The following GCNT2 variants were observed in gnomAD, a reference collection of about 807,000 sequenced individuals.
The protein encoded by GCNT2 is glucosaminyl (N-acetyl) transferase 2 (I blood group).
Under a neutral mutation model 34.2 loss-of-function variants are expected in GCNT2, and 34 were observed. That is an observed-to-expected ratio of 1.00 (90% CI 0.76 to 1.32). The LOEUF is 1.32. Ranked by LOEUF, GCNT2 falls within the 40% of genes most tolerant of loss-of-function variation. GCNT2 has a pLI of 0.00. For synonymous variants in GCNT2, 212 were observed against 188.0 expected (o/e 1.13, Z -1.04); for missense variants, 584 against 489.4 (o/e 1.19, Z -1.82).
In GCNT2 at chr6:10,536,380, C is replaced by T. The variant is rs189538451; in HGVS notation, c.925+6544C>T. Among the ~76,000 whole-genome samples the T allele has an allele frequency of 2.1e-3, 311 of 150,902 alleles. 3 individuals carry two copies. The highest frequency in any genetic ancestry group is 2.2e-3 in the Non-Finnish European group (152 of 67,782). On this transcript the variant is annotated intron_variant, in intron 3 of 4. Coordinates refer to ENST00000495262, the MANE Select transcript of GCNT2 (RefSeq NM_145649.5). Reference sequence around the variant, plus strand: ...AACTTCTTCTTTTTTTTTTTTGAGACAGTCTTGCTCTGTTGCCCAGGCTGG... The same window carrying T: ...AACTTCTTCTTTTTTTTTTTTGAGATAGTCTTGCTCTGTTGCCCAGGCTGG...
At chr6:10,545,858 G>A (rs1226778165) in intron 3 of GCNT2, among the ~76,000 whole-genome samples, 2 of 152,104 alleles carry the variant, frequency 1.3e-5, no homozygotes, top group Non-Finnish European at 2.9e-5. Flanking sequence ...GAAAAGGCAA[G>A]GTTAAGAAAT....
intron 3 of GCNT2, among the ~76,000 whole-genome samples, chr6:10,538,527 A>T (rs926928053): frequency 7.3e-5 from 11 of 150,286 alleles, no homozygotes; most frequent in African/African-American, 2.7e-4. Context: ...CCTTAAATAT[A>T]AACCCTGATA....
At chr6:10,570,291 C>T (rs1388949564) in intron 3 of GCNT2, among the ~76,000 whole-genome samples, 2 of 152,150 alleles carry the variant, frequency 1.3e-5, no homozygotes, top group Non-Finnish European at 2.9e-5. Flanking sequence ...GAAGGCTTTC[C>T]CCAAATCCAT....
intron 3 of GCNT2, among the ~76,000 whole-genome samples, chr6:10,578,722 A>G (rs1763936804): frequency 6.6e-6 from 1 of 152,184 alleles, no homozygotes; most frequent in African/African-American, 2.4e-5. Flanking sequence ...CTGGGATTAC[A>G]GGCGTGAGCC....
At position 10,529,649 on chromosome 6, in the gene GCNT2, A is replaced by G; in HGVS notation, c.738A>G (p.Lys246=). The G allele has an allele frequency of 6.2e-7, 1 of 1,614,062 alleles. No individual in the cohort carries two copies. The highest frequency in any genetic ancestry group is 8.5e-7 in the Non-Finnish European group (1 of 1,179,994). The change falls in exon 3 of 5, where the codon AAA becomes AAG. Residue 246 remains lysine (K), a synonymous_variant. Coordinates refer to ENST00000495262, the MANE Select transcript of GCNT2 (RefSeq NM_145649.5). Reference sequence around the variant, plus strand: ...ACCACAAAAATTCCTACGTGATTAAAACAACAAAATTAAAAACTCCTCCTC... The same window carrying G: ...ACCACAAAAATTCCTACGTGATTAAGACAACAAAATTAAAAACTCCTCCTC... The part of the protein sequence containing the change: ...LLNHKNSYVI[K]TTKLKTPPPH...
At chr6:10,524,327 C>G (rs535309248) in intron 1 of GCNT2, among the ~76,000 whole-genome samples, 199 of 151,376 alleles carry the variant, frequency 1.3e-3, no homozygotes, top group Middle Eastern at 3.4e-3. Context: ...CTCGGCTCAC[C>G]GCAACCTTCG....
At chr6:10,570,182 G>A (rs1164578871) in intron 3 of GCNT2, among the ~76,000 whole-genome samples, 1 of 152,170 alleles carries the variant, frequency 6.6e-6, no homozygotes, top group African/African-American at 2.4e-5. Flanking sequence ...TGATTCACCT[G>A]TCTCAGCCTC....
At chr6:10,536,166 G>T (rs1761741229) in intron 3 of GCNT2, among the ~76,000 whole-genome samples, 1 of 152,144 alleles carries the variant, frequency 6.6e-6, no homozygotes, top group African/African-American at 2.4e-5. Context: ...TGAGCCCCAG[G>T]GATGTGGCTG....
In GCNT2 at chr6:10,626,819, C is replaced by G. The variant is rs1479891486; in HGVS notation, c.*212C>G. ...GGTAGAGCAATCTGGGCACTTTGGCCAATTTTAGTCTTGCTGTTTCTTGAT... is the reference window on the plus strand; with the variant it reads ...GGTAGAGCAATCTGGGCACTTTGGCGAATTTTAGTCTTGCTGTTTCTTGAT... On this transcript the variant is annotated 3_prime_UTR_variant, in exon 5 of 5. Transcript: ENST00000495262. The G allele has an allele frequency of 1.8e-6, 1 of 568,518 alleles. No homozygotes were observed. The highest frequency in any genetic ancestry group is 1.9e-5 in the African/African-American group (1 of 53,368). The allele number at this position is 568,518 out of a possible 1,614,324, so 35.2% of individuals were successfully genotyped here. A position where few individuals can be genotyped will look rare whatever the true frequency, so the allele number is the denominator to read the frequency against.
In GCNT2 at chr6:10,606,119, A is replaced by C. The variant is rs1765300938; in HGVS notation, c.926-15232A>C. Among the ~76,000 whole-genome samples, 4 of 152,246 alleles carry C rather than the reference A, an allele frequency of 2.6e-5. No individual in the cohort carries two copies. In the South Asian group the frequency reaches 8.3e-4, roughly 31 times the overall value. On this transcript the variant is annotated intron_variant, in intron 3 of 4. Transcript: ENST00000495262. Reference sequence around the variant, plus strand: ...CACCTGAGGTCAGGAGTTTGAGACCAGCCTGGCCAACTTGGCGAAACCCTG... The same window carrying C: ...CACCTGAGGTCAGGAGTTTGAGACCCGCCTGGCCAACTTGGCGAAACCCTG...
chr6:10,592,654 C>A (rs921659579), intron 3 of GCNT2, among the ~76,000 whole-genome samples: 1 of 152,106 alleles, frequency 6.6e-6, no homozygotes, highest in African/African-American at 2.4e-5. Context: ...GAATCTGTAC[C>A]CTAACATTTC....
At position 10,627,050 on chromosome 6, in the gene GCNT2, A is replaced by T. The variant is rs1269788554; in HGVS notation, c.*443A>T. The T allele has an allele frequency of 6.0e-6, 1 of 166,138 alleles. No homozygotes were observed. The highest frequency in any genetic ancestry group is 1.3e-5 in the Non-Finnish European group (1 of 75,218). 10.3% of individuals were successfully genotyped at this position (166,138 alleles called of 1,614,324 possible). ...GTCACCACTGTGCTCAACCAGACAGATAGTGAAACAGCTTTCTGGGTAATT... is the reference window on the plus strand; with the variant it reads ...GTCACCACTGTGCTCAACCAGACAGTTAGTGAAACAGCTTTCTGGGTAATT... On this transcript the variant is annotated 3_prime_UTR_variant, in exon 5 of 5. Coordinates refer to ENST00000495262, the MANE Select transcript of GCNT2 (RefSeq NM_145649.5).
In GCNT2 at chr6:10,627,828, C is replaced by G. The variant is rs934149657; in HGVS notation, c.*1221C>G. On this transcript the variant is annotated 3_prime_UTR_variant, in exon 5 of 5. Transcript: ENST00000495262. ...TAGCATGATACCAGGCCCAGGAGAT[C>G]AGTAATTACAAATTAAGGGTTAAAT... 14 of 152,082 alleles carry G rather than the reference C, an allele frequency of 9.2e-5. No homozygotes were observed. Among genetic ancestry groups the G allele is most frequent in the Admixed American group, 6.5e-4 (10 of 15,268 alleles). 9.4% of individuals were successfully genotyped at this position (152,082 alleles called of 1,614,324 possible). A position where few individuals can be genotyped will look rare whatever the true frequency, so the allele number is the denominator to read the frequency against.
chr6:10,577,865 C>A (rs1763890765), intron 3 of GCNT2, among the ~76,000 whole-genome samples: 1 of 151,932 alleles, frequency 6.6e-6, no homozygotes, highest in Non-Finnish European at 1.5e-5. Flanking sequence ...AAAGCAAACG[C>A]CAGGTCATTG....
chr6:10,596,452 C>T (rs1440308815), intron 3 of GCNT2, among the ~76,000 whole-genome samples: 3 of 151,566 alleles, frequency 2.0e-5, no homozygotes, highest in Admixed American at 6.6e-5. Flanking sequence ...ACCCAGGAGG[C>T]GGAGGTTGCA....
At chr6:10,612,805 A>T (rs1276546841) in intron 3 of GCNT2, among the ~76,000 whole-genome samples, 1 of 152,190 alleles carries the variant, frequency 6.6e-6, no homozygotes, top group East Asian at 1.9e-4. Context: ...GCTGTCAGTT[A>T]TCGTGTGTAA....
At chr6:10,578,834 T>C (rs2127404847) in intron 3 of GCNT2, among the ~76,000 whole-genome samples, 1 of 152,294 alleles carries the variant, frequency 6.6e-6, no homozygotes. Flanking sequence ...GTTGTTGTTG[T>C]TGTTAAGATC....
chr6:10,625,402 T>C (rs1766215603), intron 4 of GCNT2, among the ~76,000 whole-genome samples: 1 of 152,152 alleles, frequency 6.6e-6, no homozygotes. Flanking sequence ...TTGTCCTGTG[T>C]GCCCAGAAGA....
chr6:10,530,795 C>T (rs1761450684), intron 3 of GCNT2, among the ~76,000 whole-genome samples: 1 of 152,148 alleles, frequency 6.6e-6, no homozygotes, highest in Non-Finnish European at 1.5e-5. Flanking sequence ...TGGCTCACAC[C>T]TGTAATCCCA....
Sources: gnomAD v4.1 joint callset for allele counts (sites outside exome capture counted in the v4.1 genomes callset) on GRCh38, gnomAD v4.1.1 for gene constraint, MANE v1.5 for transcripts, NCBI Gene and HGNC (gene_info 2026-07-23, HGNC 2026-07-21) for gene names.